The following FBP1 variants were observed in gnomAD, a reference collection of about 807,000 sequenced individuals.
FBP1 encodes the protein fructose-1,6-bisphosphatase 1.
FBP1 carries 22 observed loss-of-function variants against 29.9 expected under a neutral mutation model. The observed-to-expected ratio is 0.74, with a 90% confidence interval of 0.53 to 1.05. The LOEUF (loss-of-function observed/expected upper bound fraction) is 1.05. Among genes scored for constraint, FBP1 ranks in the 50% least tolerant of loss-of-function variants. The pLI is 0.00. For missense variants in FBP1, 345 were observed against 448.2 expected (o/e 0.77, Z 2.08); for synonymous variants, 175 against 178.6 (o/e 0.98, Z 0.16).
chr9:94,613,923 CA>C (rs536353078), intron 3 of FBP1, among the ~76,000 whole-genome samples: 3 of 148,336 alleles, frequency 2.0e-5, no homozygotes, highest in African/African-American at 5.0e-5. Context: ...ACTAAAAATA[CA>C]AAAAAAATTA....
At chr9:94,629,858 C>T (rs1259626113) in intron 1 of FBP1, among the ~76,000 whole-genome samples, 1 of 152,200 alleles carries the variant, frequency 6.6e-6, no homozygotes, top group Non-Finnish European at 1.5e-5. Context: ...AGGCCTGGGC[C>T]CAACCTGCTT....
intron 1 of FBP1, among the ~76,000 whole-genome samples, chr9:94,635,711 T>A (rs1306532530): frequency 1.3e-5 from 2 of 152,162 alleles, no homozygotes; most frequent in Non-Finnish European, 2.9e-5. Context: ...TCTAGTCCTG[T>A]CAGCTACCCC....
At chr9:94,628,653 A>G (rs1828060152) in intron 1 of FBP1, among the ~76,000 whole-genome samples, 1 of 152,190 alleles carries the variant, frequency 6.6e-6, no homozygotes, top group Non-Finnish European at 1.5e-5. Context: ...CCAGAGCCCC[A>G]GCCGAATCAG....
chr9:94,639,469 A>T lies in FBP1; in HGVS notation c.-159T>A. The T allele has an allele frequency of 1.3e-6, 1 of 795,296 alleles. No individual in the cohort carries two copies. The highest frequency in any genetic ancestry group is 2.1e-6 in the Non-Finnish European group (1 of 481,606). 49.3% of individuals were successfully genotyped at this position (795,296 alleles called of 1,614,324 possible). A position where few individuals can be genotyped will look rare whatever the true frequency, so the allele number is the denominator to read the frequency against. ...CGGGACCTGGCGGGAGGACTGACAGACCGACTGCCGCCCCGAGTGTCCGCA... is the reference window on the plus strand; with the variant it reads ...CGGGACCTGGCGGGAGGACTGACAGTCCGACTGCCGCCCCGAGTGTCCGCA... On this transcript the variant is annotated 5_prime_UTR_variant, in exon 1 of 7. Coordinates refer to ENST00000375326, the MANE Select transcript of FBP1 (RefSeq NM_000507.4).
chr9:94,624,128 G>A (rs1827987388), intron 1 of FBP1, among the ~76,000 whole-genome samples: 1 of 149,812 alleles, frequency 6.7e-6, no homozygotes, highest in Admixed American at 6.7e-5. Flanking sequence ...CCTGAGGTCA[G>A]GAGATCGAGA....
intron 3 of FBP1, among the ~76,000 whole-genome samples, chr9:94,615,311 C>G (rs1827847430): frequency 6.6e-6 from 1 of 152,096 alleles, no homozygotes; most frequent in Non-Finnish European, 1.5e-5. Flanking sequence ...CTGTTGCAAG[C>G]TGGCTTGATT....
chr9:94,607,858 C>A (rs1435713035), intron 4 of FBP1, among the ~76,000 whole-genome samples: 1 of 152,074 alleles, frequency 6.6e-6, no homozygotes, highest in Non-Finnish European at 1.5e-5. Context: ...TGAAACCAGA[C>A]AGACAGGGAG....
intron 1 of FBP1, among the ~76,000 whole-genome samples, chr9:94,636,582 GGT>G (rs1363322894): frequency 7.2e-5 from 11 of 151,938 alleles, no homozygotes; most frequent in Non-Finnish European, 1.0e-4. Context: ...CACTGTCTAA[GGT>G]TACTTAGACA....
intron 1 of FBP1, among the ~76,000 whole-genome samples, chr9:94,634,498 G>A (rs1184713440): frequency 2.0e-5 from 3 of 152,160 alleles, no homozygotes; most frequent in Admixed American, 1.3e-4. Context: ...TGGATACAAA[G>A]GGAAGTCAAC....
intron 1 of FBP1, among the ~76,000 whole-genome samples, chr9:94,628,952 T>C (rs1010536765): frequency 6.6e-6 from 1 of 152,190 alleles, no homozygotes; most frequent in Non-Finnish European, 1.5e-5. Flanking sequence ...TGCAATCTAT[T>C]GGGTAATTTC....
Position 94,639,395 on chromosome 9 carries a change from C to T in FBP1, c.-85G>A, listed in dbSNP as rs911879825. On this transcript the variant is annotated 5_prime_UTR_variant, in exon 1 of 7. Transcript: ENST00000375326. ...GCGGGCGGCAAGAGAGGGCAGTAGG[C>T]ACTGGCCGCAGGTGCGGAGCTGCAG... 8.9e-6 allele frequency: 13 copies of T among 1,465,052 alleles called. No homozygotes were observed. The African/African-American group carries it at 1.8e-4, about 21-fold the overall frequency. The allele number at this position is 1,465,052 out of a possible 1,614,324, so 90.8% of individuals were successfully genotyped here.
intron 2 of FBP1, 125 bp from the exon 3 acceptor site, chr9:94,617,985 G>T: frequency 1.4e-6 from 1 of 734,572 alleles, no homozygotes; most frequent in Non-Finnish European, 2.4e-6. Context: ...TTATTTATTT[G>T]TACTGTCATG....
At chr9:94,621,471 C>G (rs1827950315) in intron 1 of FBP1, among the ~76,000 whole-genome samples, 1 of 151,716 alleles carries the variant, frequency 6.6e-6, no homozygotes, top group Admixed American at 6.6e-5. Flanking sequence ...CTGGACAGAC[C>G]CTAGAGAGGA....
At chr9:94,636,743 G>C (rs1828196532) in intron 1 of FBP1, among the ~76,000 whole-genome samples, 2 of 151,808 alleles carry the variant, frequency 1.3e-5, no homozygotes, top group African/African-American at 4.8e-5. Context: ...GGCTGGAGTA[G>C]AGTGGCACGA....
Position 94,619,874 on chromosome 9 carries a change from C to CAAAAAAAA in FBP1, c.333+447_333+454dup, listed in dbSNP as rs56722632. On this transcript the variant is annotated intron_variant, in intron 2 of 6. Transcript: ENST00000375326. ...GGGCAACAAGAGCAAAACACTGTCT[C>CAAAAAAAA]AAAAAAAAAAAAAAAAAAAAAAAAA... is the stretch of plus-strand genomic sequence containing the variant. Among the ~76,000 whole-genome samples, 95 of 99,158 alleles carry CAAAAAAAA rather than the reference C, an allele frequency of 9.6e-4. 3 individuals carry two copies. Among genetic ancestry groups the CAAAAAAAA allele is most frequent in the African/African-American group, 4.8e-3 (84 of 17,528 alleles). 65.1% of individuals were successfully genotyped at this position (99,158 alleles called of 152,430 possible).
intron 2 of FBP1, among the ~76,000 whole-genome samples, chr9:94,619,599 T>C (rs4075984): frequency 0.26 from 39,012 of 151,652 alleles, 6,271 homozygotes; most frequent in East Asian, 0.55. Flanking sequence ...TAACGCCAGG[T>C]GTGGTGGCTC....
At chr9:94,630,005 T>C (rs1313915887) in intron 1 of FBP1, among the ~76,000 whole-genome samples, 5 of 152,136 alleles carry the variant, frequency 3.3e-5, no homozygotes, top group Non-Finnish European at 4.4e-5. Flanking sequence ...TAGTGAGGTC[T>C]GAAGCAAAAG....
intron 1 of FBP1, among the ~76,000 whole-genome samples, chr9:94,625,719 C>G (rs1233664595): frequency 6.6e-6 from 1 of 152,224 alleles, no homozygotes; most frequent in South Asian, 2.1e-4. Flanking sequence ...GGCGTGAACC[C>G]GGGAAGTGGA....
intron 6 of FBP1, chr9:94,604,013 C>T (rs1827654318): frequency 3.4e-6 from 1 of 295,022 alleles, no homozygotes; most frequent in Admixed American, 4.6e-5. Context: ...CAGACCGGCT[C>T]CTCCAAACAG....
Sources: allele counts gnomAD v4.1 joint callset (sites outside exome capture counted in the v4.1 genomes callset), GRCh38; gene constraint gnomAD v4.1.1; transcripts MANE v1.5; gene names NCBI Gene and HGNC (gene_info 2026-07-23, HGNC 2026-07-21).